Variants in CLASP1 observed in about 807,000 individuals in gnomAD.
The protein encoded by CLASP1 is CLIP-associating protein 1.
Under a neutral mutation model 192.3 loss-of-function variants are expected in CLASP1, and 38 were observed. That is an observed-to-expected ratio of 0.20 (90% CI 0.15 to 0.26). The LOEUF is 0.26. Among genes scored for constraint, CLASP1 ranks in the 10% least tolerant of loss-of-function variants. The pLI, the probability that CLASP1 is intolerant of heterozygous loss-of-function variation, is 1.00. For synonymous variants in CLASP1, 691 were observed against 712.8 expected (o/e 0.97, Z 0.49); for missense variants, 1,433 against 1,932.5 (o/e 0.74, Z 4.85).
At chr2:121,493,565 C>G (rs1284004304) in intron 8 of CLASP1, among the ~76,000 whole-genome samples, 1 of 152,160 alleles carries the variant, frequency 6.6e-6, no homozygotes, top group African/African-American at 2.4e-5. Flanking sequence ...ATGGGGGAAA[C>G]TCTCCAGGAC....
chr2:121,464,294 C>T (rs1227334771), intron 9 of CLASP1, among the ~76,000 whole-genome samples: 3 of 151,780 alleles, frequency 2.0e-5, no homozygotes, highest in East Asian at 1.9e-4. Flanking sequence ...TGAATAGTGC[C>T]GCAATAAACA....
chr2:121,610,671 G>A (rs1576446641), intron 1 of CLASP1, among the ~76,000 whole-genome samples: 1 of 139,280 alleles, frequency 7.2e-6, no homozygotes, highest in Admixed American at 7.1e-5. Context: ...AGGAGGAGGA[G>A]TTGGAGGAGT....
chr2:121,447,961 G>A (rs1184154938), intron 18 of CLASP1, among the ~76,000 whole-genome samples: 1 of 152,168 alleles, frequency 6.6e-6, no homozygotes, highest in Non-Finnish European at 1.5e-5. Context: ...CCACCAAGAT[G>A]TCTTCACTGT....
At chr2:121,630,281 TA>T (rs1162775585) in intron 1 of CLASP1, among the ~76,000 whole-genome samples, 1 of 152,080 alleles carries the variant, frequency 6.6e-6, no homozygotes, top group Non-Finnish European at 1.5e-5. Context: ...AAGTTGTTTT[TA>T]AAGTTAAATC....
intron 7 of CLASP1, among the ~76,000 whole-genome samples, chr2:121,511,616 A>C (rs1009714137): frequency 2.0e-5 from 3 of 152,052 alleles, no homozygotes; most frequent in African/African-American, 4.8e-5. Context: ...AGAGAGAGAG[A>C]GAGCTGAAAT....
At chr2:121,567,429 A>T (rs1048250427) in intron 2 of CLASP1, among the ~76,000 whole-genome samples, 1 of 152,210 alleles carries the variant, frequency 6.6e-6, no homozygotes, top group African/African-American at 2.4e-5. Context: ...TTCCACCTGG[A>T]AAGTTTACTT....
At position 121,382,476 on chromosome 2, in the gene CLASP1, T is replaced by C. The variant is rs533060162; in HGVS notation, c.3375-152A>G. Among the ~76,000 whole-genome samples the C allele has an allele frequency of 5.9e-5, 9 of 152,324 alleles. No homozygotes were observed. The East Asian group carries it at 1.3e-3, about 23-fold the overall frequency. ...TCAGAGCAAAATTAGCACTTCATCATACAGAGAAAAGAACAAATTTTGTTT... is the reference window on the plus strand; with the variant it reads ...TCAGAGCAAAATTAGCACTTCATCACACAGAGAAAAGAACAAATTTTGTTT... On this transcript the variant is annotated intron_variant, in intron 32 of 39. Transcript: ENST00000263710.
intron 2 of CLASP1, among the ~76,000 whole-genome samples, chr2:121,555,692 C>CA (rs1559601140): frequency 6.6e-6 from 1 of 151,934 alleles, no homozygotes; most frequent in East Asian, 1.9e-4. Context: ...AGCATAATGT[C>CA]TTTTTTTTCC....
intron 6 of CLASP1, among the ~76,000 whole-genome samples, chr2:121,523,979 C>T (rs900358220): frequency 2.6e-5 from 4 of 152,190 alleles, no homozygotes; most frequent in African/African-American, 9.7e-5. Flanking sequence ...CAGTGCTCCC[C>T]TCCCCAAACC....
intron 5 of CLASP1, among the ~76,000 whole-genome samples, chr2:121,526,965 A>T (rs1389863869): frequency 6.6e-6 from 1 of 152,234 alleles, no homozygotes; most frequent in Admixed American, 6.5e-5. Flanking sequence ...AAAAATGGCT[A>T]AAATAAAAAA....
At chr2:121,643,057 A>G (rs1162277056) in intron 1 of CLASP1, among the ~76,000 whole-genome samples, 3 of 151,768 alleles carry the variant, frequency 2.0e-5, no homozygotes, top group African/African-American at 7.3e-5. Context: ...GTAGTGAGGG[A>G]AAGTCCTACA....
At chr2:121,547,433 C>T (rs775770761) in intron 2 of CLASP1, among the ~76,000 whole-genome samples, 1 of 151,854 alleles carries the variant, frequency 6.6e-6, no homozygotes, top group Non-Finnish European at 1.5e-5. Flanking sequence ...CCAGCTTGGG[C>T]TCGCAGCGAA....
chr2:121,422,139 C>T (rs191150030), intron 22 of CLASP1, among the ~76,000 whole-genome samples: 12 of 152,226 alleles, frequency 7.9e-5, no homozygotes, highest in Admixed American at 7.8e-4. Context: ...AGACACTCTA[C>T]CCTACTTCAG....
intron 39 of CLASP1, among the ~76,000 whole-genome samples, chr2:121,343,861 G>A (rs1056080448): frequency 6.6e-6 from 1 of 152,082 alleles, no homozygotes; most frequent in Non-Finnish European, 1.5e-5. Flanking sequence ...ACTTGAGGTC[G>A]AGAGTTCGAG....
intron 2 of CLASP1, chr2:121,532,387 T>C (rs2104840742): frequency 6.6e-6 from 1 of 152,310 alleles, no homozygotes; most frequent in South Asian, 2.1e-4. Flanking sequence ...GAGTACAGTA[T>C]GAAGTGGAGG....
At chr2:121,548,352 C>G (rs2057678287) in intron 2 of CLASP1, among the ~76,000 whole-genome samples, 1 of 152,016 alleles carries the variant, frequency 6.6e-6, no homozygotes. Context: ...AAATAAGAGT[C>G]AGACAAAAAT....
intron 1 of CLASP1, among the ~76,000 whole-genome samples, chr2:121,639,521 T>C (rs1459058747): frequency 6.6e-6 from 1 of 152,068 alleles, no homozygotes; most frequent in African/African-American, 2.4e-5. Context: ...ATGGCAATGG[T>C]GGCACAATAG....
At chr2:121,360,716 A>G (rs553876093) in intron 37 of CLASP1, among the ~76,000 whole-genome samples, 1 of 152,316 alleles carries the variant, frequency 6.6e-6, no homozygotes, top group African/African-American at 2.4e-5. Context: ...TTTTATAAGG[A>G]AACTCCAAGG....
intron 8 of CLASP1, among the ~76,000 whole-genome samples, chr2:121,495,271 C>T (rs1258495449): frequency 4.0e-5 from 6 of 151,880 alleles, no homozygotes; most frequent in Non-Finnish European, 2.9e-5. Context: ...TGCAGTGAGC[C>T]GAGATGGCAC....
Sources: allele counts gnomAD v4.1 joint callset (sites outside exome capture counted in the v4.1 genomes callset), GRCh38; gene constraint gnomAD v4.1.1; transcripts MANE v1.5; gene names NCBI Gene and HGNC (gene_info 2026-07-23, HGNC 2026-07-21).